TLK2: variants seen among roughly 807,000 people sequenced by gnomAD.
TLK2 encodes serine/threonine-protein kinase tousled-like 2.
In TLK2, 6 loss-of-function variants were observed where a neutral mutation model predicts 117.3. The observed-to-expected ratio is 0.05, with a 90% CI of 0.03 to 0.10. The LOEUF is 0.10. TLK2 is among the 10% of genes least tolerant of loss of function. The probability of loss-of-function intolerance (pLI) is 1.00; values close to 1 mark genes in which losing one functional copy is unlikely to be tolerated. For synonymous variants in TLK2, 257 were observed against 316.7 expected, an observed-to-expected ratio of 0.81 and a Z score of 2.00; for missense variants, 299 against 901.2, an observed-to-expected ratio of 0.33 and a Z score of 8.56.
chr17:62,544,710 T>C (rs2077777418), intron 7 of TLK2, among the ~76,000 whole-genome samples: 1 of 152,244 alleles, frequency 6.6e-6, no homozygotes, highest in African/African-American at 2.4e-5. Flanking sequence ...TTCCCTGTGA[T>C]TTTTAAGATC....
At chr17:62,508,714 C>T (rs556648751) in intron 2 of TLK2, among the ~76,000 whole-genome samples, 17 of 152,278 alleles carry the variant, frequency 1.1e-4, no homozygotes, top group African/African-American at 3.1e-4. Flanking sequence ...CGCCTGTAAT[C>T]GCAGCACTTT....
At chr17:62,591,498 G>A (rs374298552) in intron 16 of TLK2, among the ~76,000 whole-genome samples, 1 of 152,132 alleles carries the variant, frequency 6.6e-6, no homozygotes, top group Non-Finnish European at 1.5e-5. Flanking sequence ...GAGAGGTGGA[G>A]CCACAGAGCC....
At chr17:62,585,928 A>G in intron 15 of TLK2, 1 of 437,188 alleles carries the variant, frequency 2.3e-6, no homozygotes. Flanking sequence ...TTATGTTCTA[A>G]ATCCCTTGGT....
At chr17:62,523,046 T>A in intron 4 of TLK2, 88 bp from the exon 5 acceptor site, 1 of 1,307,266 alleles carries the variant, frequency 7.6e-7, no homozygotes, top group Non-Finnish European at 1.0e-6. Context: ...TAGCAATGTA[T>A]GTAGTTACTG....
At chr17:62,590,781 A>AT (rs1173138572) in intron 16 of TLK2, among the ~76,000 whole-genome samples, 1 of 152,168 alleles carries the variant, frequency 6.6e-6, no homozygotes, top group Non-Finnish European at 1.5e-5. Context: ...ACCCAACAAG[A>AT]TGGTATTAAA....
intron 20 of TLK2, 57 bp downstream of exon 20, chr17:62,606,298 C>T: frequency 9.5e-7 from 1 of 1,051,262 alleles, no homozygotes; most frequent in Non-Finnish European, 1.4e-6. Context: ...CACACACACA[C>T]ACAGTGCCTT....
At chr17:62,594,788 G>C (rs1057461052) in intron 16 of TLK2, among the ~76,000 whole-genome samples, 47 of 110,020 alleles carry the variant, frequency 4.3e-4, no homozygotes, top group South Asian at 1.4e-3. Flanking sequence ...TGCAGGGCGG[G>C]TACACACACA....
chr17:62,589,058 A>T (rs1352252329), intron 16 of TLK2, among the ~76,000 whole-genome samples: 1 of 152,036 alleles, frequency 6.6e-6, no homozygotes, highest in Non-Finnish European at 1.5e-5. Context: ...TTCAAAAGAA[A>T]ATAAAAGGTG....
chr17:62,578,995 G>C (rs554762570), intron 14 of TLK2, among the ~76,000 whole-genome samples: 3 of 152,268 alleles, frequency 2.0e-5, no homozygotes, highest in African/African-American at 7.2e-5. Flanking sequence ...GGGCTATTCA[G>C]GTGTTGAGAT....
chr17:62,572,863 T>C (rs566289937), intron 11 of TLK2: 1 of 153,982 alleles, frequency 6.5e-6, no homozygotes, highest in South Asian at 2.1e-4. Flanking sequence ...AAATACGATT[T>C]ACTTTTAATG....
At chr17:62,544,442 A>T (rs1033994582) in intron 7 of TLK2, among the ~76,000 whole-genome samples, 1 of 152,202 alleles carries the variant, frequency 6.6e-6, no homozygotes, top group Non-Finnish European at 1.5e-5. Context: ...CTCACTCACT[A>T]TCATGAGAAC....
At chr17:62,471,489 A>G (rs1036001896) in intron 1 of TLK2, among the ~76,000 whole-genome samples, 1 of 152,220 alleles carries the variant, frequency 6.6e-6, no homozygotes, top group African/African-American at 2.4e-5. Context: ...TCCTTTATTA[A>G]CTGTCAAGTC....
At chr17:62,610,126 A>G (rs2083622826) in intron 21 of TLK2, among the ~76,000 whole-genome samples, 1 of 152,268 alleles carries the variant, frequency 6.6e-6, no homozygotes, top group South Asian at 2.1e-4. Context: ...ATTTCTTTAT[A>G]TAACTTTTGT....
In TLK2 at chr17:62,607,928, G is replaced by C; in HGVS notation, c.1972-113G>C. 3.6e-6 allele frequency: 3 copies of C among 832,348 alleles called. No individual in the cohort carries two copies. In the South Asian group the frequency reaches 5.5e-5, roughly 15 times the overall value. 51.6% of individuals were successfully genotyped at this position (832,348 alleles called of 1,614,324 possible). ...GAGGGGATTGTCTCCAGAGTTCCTT[G>C]CAGCAATTCAAATTAGAAGATGTCT... On this transcript the variant is annotated intron_variant, in intron 20 of 21. Transcript: ENST00000346027.
intron 2 of TLK2, among the ~76,000 whole-genome samples, chr17:62,497,409 C>A (rs1246506934): frequency 6.6e-6 from 1 of 152,208 alleles, no homozygotes; most frequent in Non-Finnish European, 1.5e-5. Context: ...AGAAGCTATG[C>A]ACATAATTAT....
chr17:62,482,842 G>C (rs1224492435), intron 2 of TLK2, among the ~76,000 whole-genome samples: 1 of 152,204 alleles, frequency 6.6e-6, no homozygotes, highest in East Asian at 1.9e-4. Flanking sequence ...CTTGAGCACA[G>C]TACCTCCACA....
chr17:62,573,570 A>G (rs1224383691), intron 12 of TLK2, among the ~76,000 whole-genome samples: 3 of 152,240 alleles, frequency 2.0e-5, no homozygotes, highest in Non-Finnish European at 2.9e-5. Context: ...TCTTTAGGGC[A>G]TTTTGAATGA....
At chr17:62,578,452 G>A in intron 13 of TLK2, 25 bp from the exon 14 acceptor site, 2 of 1,591,672 alleles carry the variant, frequency 1.3e-6, no homozygotes, top group Admixed American at 1.7e-5. Flanking sequence ...CCTATTTTGT[G>A]CTATTTCTTT....
At chr17:62,483,998 G>A (rs929091406) in intron 2 of TLK2, among the ~76,000 whole-genome samples, 1 of 151,586 alleles carries the variant, frequency 6.6e-6, no homozygotes, top group African/African-American at 2.4e-5. Flanking sequence ...GCTAATTTTT[G>A]TATTTTTAGT....
Sources: allele counts gnomAD v4.1 joint callset (sites outside exome capture counted in the v4.1 genomes callset), GRCh38; gene constraint gnomAD v4.1.1; transcripts MANE v1.5; gene names NCBI Gene and HGNC (gene_info 2026-07-23, HGNC 2026-07-21).